Variants in ATF7 observed in about 807,000 individuals in gnomAD.
ATF7 encodes cyclic AMP-dependent transcription factor ATF-7.
Under a neutral mutation model 50.4 loss-of-function variants are expected in ATF7, and 10 were observed. The observed-to-expected ratio is 0.20, with a 90% confidence interval of 0.12 to 0.34. The LOEUF (loss-of-function observed/expected upper bound fraction) is 0.34, where lower values mean the gene tolerates loss of function less well. ATF7 is among the 10% of genes least tolerant of loss of function. The pLI is 1.00. For missense variants in ATF7, 465 were observed against 613.9 expected (o/e 0.76, Z 2.56); for synonymous variants, 201 against 226.4 (o/e 0.89, Z 1.01).
At chr12:53,509,406 T>C (rs1318681640), downstream of ATF7, among the ~76,000 whole-genome samples, 1 of 152,130 alleles carries the variant, frequency 6.6e-6, no homozygotes, top group Non-Finnish European at 1.5e-5. Flanking sequence ...ACTCGGGGTC[T>C]TAGTTTGCTC....
intron 9 of ATF7, among the ~76,000 whole-genome samples, chr12:53,530,236 G>T (rs1938787400): frequency 1.3e-5 from 2 of 152,284 alleles, no homozygotes; most frequent in South Asian, 4.1e-4. Flanking sequence ...AGCTTTTGTT[G>T]TTGGCCAAGC....
chr12:53,620,562 C>T (rs1944336283), intron 1 of ATF7, among the ~76,000 whole-genome samples: 2 of 121,544 alleles, frequency 1.6e-5, no homozygotes, highest in African/African-American at 6.5e-5. Flanking sequence ...GGCGACAGAG[C>T]GAGACTCCGT....
chr12:53,609,171 T>TTTTTA (rs1366834075), intron 1 of ATF7, among the ~76,000 whole-genome samples: 1 of 151,210 alleles, frequency 6.6e-6, no homozygotes, highest in South Asian at 2.1e-4. Flanking sequence ...TTTTTTTTTT[T>TTTTTA]GAGACAGGGT....
intron 2 of ATF7, among the ~76,000 whole-genome samples, chr12:53,594,153 T>TTC (rs2137786400): frequency 6.6e-6 from 1 of 152,300 alleles, no homozygotes; most frequent in South Asian, 2.1e-4. Context: ...GGCTCTAAGA[T>TTC]TCAGAAGGCA....
intron 3 of ATF7, 142 bp from the exon 4 acceptor site, chr12:53,543,590 G>C (rs1031095534): frequency 2.3e-6 from 2 of 856,352 alleles, no homozygotes; most frequent in Non-Finnish European, 3.5e-6. Context: ...CTTTAATGGA[G>C]CTCTAGTAGG....
rs1937617163 is a variant in ATF7, at chr12:53,514,588, C to CTGCTGCT, written c.*2542_*2548dup. 2 of 152,178 alleles carry CTGCTGCT rather than the reference C, an allele frequency of 1.3e-5. No individual in the cohort carries two copies. Among genetic ancestry groups the CTGCTGCT allele is most frequent in the African/African-American group, 2.4e-5 (1 of 41,430 alleles). The allele number at this position is 152,178 out of a possible 1,614,324, so 9.4% of individuals were successfully genotyped here. On this transcript the variant is annotated 3_prime_UTR_variant, in exon 12 of 12. Transcript: ENST00000420353. Reference sequence around the variant, plus strand: ...CAAGAACTATCTAGGGGGTTCTGACCTGCTGCTTCCTTATTTCAGTGCCAT... The same window carrying CTGCTGCT: ...CAAGAACTATCTAGGGGGTTCTGACCTGCTGCTTGCTGCTTCCTTATTTCAGTGCCAT...
intron 2 of ATF7, among the ~76,000 whole-genome samples, chr12:53,562,394 C>G (rs1941181608): frequency 6.6e-6 from 1 of 152,182 alleles, no homozygotes; most frequent in African/African-American, 2.4e-5. Context: ...AATCCCAGCA[C>G]TTTGAGAGGC....
chr12:53,601,053 G>T (rs1943380575), intron 1 of ATF7, 32 bp from the exon 2 acceptor site: 87 of 1,308,124 alleles, frequency 6.7e-5, no homozygotes, highest in Non-Finnish European at 8.3e-5. Flanking sequence ...AAAAAGTTAT[G>T]TTAAATATGC....
intron 2 of ATF7, among the ~76,000 whole-genome samples, chr12:53,580,930 G>A (rs971101265): frequency 6.6e-6 from 1 of 151,308 alleles, no homozygotes; most frequent in Non-Finnish European, 1.5e-5. Context: ...TGGTCAACAT[G>A]GTGAAACCCT....
At chr12:53,590,793 G>A (rs1214253441) in intron 2 of ATF7, among the ~76,000 whole-genome samples, 1 of 152,088 alleles carries the variant, frequency 6.6e-6, no homozygotes, top group Non-Finnish European at 1.5e-5. Flanking sequence ...TAAAAAATCA[G>A]AGGGCTATAT....
chr12:53,558,471 G>A (rs368985293), intron 2 of ATF7, among the ~76,000 whole-genome samples: 22 of 152,190 alleles, frequency 1.4e-4, no homozygotes, highest in African/African-American at 5.3e-4. Context: ...CCTGAAACTT[G>A]GAAGAAAAAA....
intron 9 of ATF7, among the ~76,000 whole-genome samples, chr12:53,529,088 A>C (rs1384848796): frequency 6.6e-6 from 1 of 151,994 alleles, no homozygotes; most frequent in Non-Finnish European, 1.5e-5. Context: ...AAAATTATAT[A>C]TATATAAAAA....
At chr12:53,560,175 G>A (rs1389827937) in intron 2 of ATF7, among the ~76,000 whole-genome samples, 1 of 151,914 alleles carries the variant, frequency 6.6e-6, no homozygotes, top group Non-Finnish European at 1.5e-5. Context: ...ACCCGCCTTG[G>A]CCTCCTAAAG....
intron 11 of ATF7, among the ~76,000 whole-genome samples, chr12:53,518,358 A>G (rs747039034): frequency 3.3e-5 from 5 of 152,286 alleles, no homozygotes; most frequent in African/African-American, 4.8e-5. Flanking sequence ...ATAAAACATT[A>G]TAAGTTATGC....
intron 2 of ATF7, among the ~76,000 whole-genome samples, chr12:53,569,042 CAGCTACTTGGG>C (rs1941609060): frequency 6.6e-6 from 1 of 152,102 alleles, no homozygotes; most frequent in South Asian, 2.1e-4. Flanking sequence ...CCTGTAGTCC[CAGCTACTTGGG>C]AGGCTGAGAA....
chr12:53,624,239 A>C (rs1259306804), intron 1 of ATF7, among the ~76,000 whole-genome samples: 1 of 152,234 alleles, frequency 6.6e-6, no homozygotes. Flanking sequence ...GTTAATGCTA[A>C]CGGGTCAGCA....
intron 2 of ATF7, among the ~76,000 whole-genome samples, chr12:53,560,543 A>T (rs1457221729): frequency 6.6e-6 from 1 of 152,134 alleles, no homozygotes; most frequent in Admixed American, 6.5e-5. Flanking sequence ...GACCAATGAA[A>T]TTTCTCTGCA....
At chr12:53,578,442 C>T (rs568573098) in intron 2 of ATF7, among the ~76,000 whole-genome samples, 6 of 151,060 alleles carry the variant, frequency 4.0e-5, no homozygotes, top group Admixed American at 4.0e-4. Context: ...GAAATTGTTG[C>T]CCACAGACTT....
downstream of ATF7, among the ~76,000 whole-genome samples, chr12:53,508,475 G>A (rs1418217537): frequency 1.3e-5 from 2 of 150,494 alleles, no homozygotes; most frequent in Non-Finnish European, 2.9e-5. Flanking sequence ...CAGGAGAATC[G>A]CTTGAATCGG....
Sources: gnomAD v4.1 joint callset for allele counts (sites outside exome capture counted in the v4.1 genomes callset) on GRCh38, gnomAD v4.1.1 for gene constraint, MANE v1.5 for transcripts, NCBI Gene and HGNC (gene_info 2026-07-23, HGNC 2026-07-21) for gene names.